Variants in PTPRD observed in about 807,000 individuals in gnomAD.
The protein encoded by PTPRD is receptor-type tyrosine-protein phosphatase delta.
In PTPRD, 34 loss-of-function variants were observed where a neutral mutation model predicts 214.5. That is an observed-to-expected ratio of 0.16 (90% confidence interval 0.12 to 0.21). The LOEUF (loss-of-function observed/expected upper bound fraction) is 0.21. Ranked by LOEUF, PTPRD falls within the 10% of genes least tolerant of loss-of-function variation. The pLI is 1.00. For missense variants in PTPRD, 2,545 were observed against 2,398.7 expected (o/e 1.06, Z -1.27); for synonymous variants, 1,128 against 845.7 (o/e 1.33, Z -5.79).
chr9:8,660,059 T>C (rs1596304323), intron 12 of PTPRD, among the ~76,000 whole-genome samples: 1 of 152,236 alleles, frequency 6.6e-6, no homozygotes, highest in Non-Finnish European at 1.5e-5. Flanking sequence ...ATGTGTAACA[T>C]AGTCATTACC....
intron 2 of PTPRD, among the ~76,000 whole-genome samples, chr9:10,461,900 G>A (rs1311637811): frequency 1.3e-5 from 2 of 152,064 alleles, no homozygotes; most frequent in Non-Finnish European, 2.9e-5. Flanking sequence ...CGGATTACAG[G>A]CGTGAATCAC....
intron 10 of PTPRD, chr9:9,091,202 G>A (rs1276856307): frequency 1.4e-5 from 21 of 1,502,940 alleles, no homozygotes; most frequent in South Asian, 5.6e-5. Context: ...CCCCGATTTA[G>A]ACCTGCGGGT....
chr9:9,378,916 T>A, intron 9 of PTPRD, among the ~76,000 whole-genome samples: 1 of 151,992 alleles, frequency 6.6e-6, no homozygotes, highest in Non-Finnish European at 1.5e-5. Flanking sequence ...TTATCAGATG[T>A]ATCCTTTGTA....
chr9:8,366,561 T>C (rs548734957), intron 39 of PTPRD, among the ~76,000 whole-genome samples: 6 of 152,242 alleles, frequency 3.9e-5, no homozygotes, highest in Non-Finnish European at 8.8e-5. Flanking sequence ...AAAATAAGTG[T>C]GCTGTCCCAG....
intron 12 of PTPRD, among the ~76,000 whole-genome samples, chr9:8,718,812 A>G (rs1392481253): frequency 1.3e-5 from 2 of 152,122 alleles, no homozygotes; most frequent in East Asian, 3.9e-4. Flanking sequence ...GAACCTTCTC[A>G]TTCCCACCTC....
At chr9:10,535,424 C>T (rs753938661) in intron 2 of PTPRD, among the ~76,000 whole-genome samples, 5 of 151,918 alleles carry the variant, frequency 3.3e-5, no homozygotes, top group Non-Finnish European at 5.9e-5. Flanking sequence ...ATCTACTTAC[C>T]GTCGTGAGCT....
chr9:9,872,242 G>A (rs1031037871), intron 5 of PTPRD, among the ~76,000 whole-genome samples: 4 of 152,028 alleles, frequency 2.6e-5, no homozygotes, highest in African/African-American at 9.7e-5. Flanking sequence ...CTTGCAAATT[G>A]AATTCCAGCC....
chr9:9,855,966 T>C (rs1343548464), intron 5 of PTPRD, among the ~76,000 whole-genome samples: 1 of 152,180 alleles, frequency 6.6e-6, no homozygotes, highest in South Asian at 2.1e-4. Flanking sequence ...TCCTCACTTG[T>C]GGCTCCAGAA....
chr9:10,523,572 C>T (rs147324810), intron 2 of PTPRD, among the ~76,000 whole-genome samples: 3,346 of 90,806 alleles, frequency 0.037, 132 homozygotes, highest in African/African-American at 0.12. Flanking sequence ...TAATAAAATA[C>T]CCCCAATATT....
chr9:10,044,198 G>C (rs1374557885), intron 3 of PTPRD, among the ~76,000 whole-genome samples: 1 of 151,686 alleles, frequency 6.6e-6, no homozygotes, highest in Non-Finnish European at 1.5e-5. Context: ...GTGTTTCTGA[G>C]TATTTTCAAC....
intron 3 of PTPRD, among the ~76,000 whole-genome samples, chr9:10,203,187 T>A (rs78988937): frequency 2.0e-5 from 3 of 149,870 alleles, no homozygotes; most frequent in African/African-American, 7.3e-5. Flanking sequence ...TTTTTTTTTT[T>A]AATGTGAATT....
intron 10 of PTPRD, among the ~76,000 whole-genome samples, chr9:9,128,452 C>T (rs539194198): frequency 3.3e-5 from 5 of 152,238 alleles, no homozygotes; most frequent in Admixed American, 6.5e-5. Flanking sequence ...CTATACAAAA[C>T]ATATATTCAA....
Position 9,809,643 on chromosome 9 carries a change from G to A in PTPRD, c.-367-42792C>T, listed in dbSNP as rs1312353843. On this transcript the variant is annotated intron_variant, in intron 5 of 45. Transcript: ENST00000381196. ...GAATCTTGTCAGTTGTTCATGAGAG[G>A]GGTAATGGAATTAGGAGTGAGAATG... is the stretch of plus-strand genomic sequence containing the variant. Among the ~76,000 whole-genome samples the A allele has an allele frequency of 3.3e-5, 5 of 152,128 alleles. No individual in the cohort carries two copies. In the East Asian group the frequency reaches 9.6e-4, roughly 29 times the overall value.
chr9:9,455,025 T>G (rs1024895142), intron 8 of PTPRD, among the ~76,000 whole-genome samples: 1 of 151,614 alleles, frequency 6.6e-6, no homozygotes, highest in Non-Finnish European at 1.5e-5. Flanking sequence ...ACCCAAGTAT[T>G]GCGTTTTATC....
chr9:9,363,220 G>A (rs1189596713), intron 9 of PTPRD, among the ~76,000 whole-genome samples: 1 of 149,334 alleles, frequency 6.7e-6, no homozygotes, highest in Non-Finnish European at 1.5e-5. Context: ...GGAATGATAA[G>A]GCCACAAGAG....
At chr9:9,423,807 A>G (rs1422509056) in intron 8 of PTPRD, among the ~76,000 whole-genome samples, 1 of 152,240 alleles carries the variant, frequency 6.6e-6, no homozygotes, top group Non-Finnish European at 1.5e-5. Flanking sequence ...TTTGAAACAT[A>G]AAGCAGTACA....
chr9:9,991,377 T>C (rs957142547), intron 4 of PTPRD, among the ~76,000 whole-genome samples: 1 of 151,968 alleles, frequency 6.6e-6, no homozygotes, highest in African/African-American at 2.4e-5. Flanking sequence ...TTTTCTTTTT[T>C]TGAAATGGAG....
At chr9:10,011,492 TTTCA>T (rs1413826120) in intron 4 of PTPRD, among the ~76,000 whole-genome samples, 2 of 151,938 alleles carry the variant, frequency 1.3e-5, no homozygotes, top group Non-Finnish European at 2.9e-5. Context: ...TTAAATTAGT[TTTCA>T]TTGACTCCTC....
chr9:8,604,251 A>C (rs2095062848), intron 14 of PTPRD, among the ~76,000 whole-genome samples: 1 of 152,206 alleles, frequency 6.6e-6, no homozygotes, highest in Non-Finnish European at 1.5e-5. Context: ...GGAAAGAGCA[A>C]AGTGCCACAG....
Sources: allele counts gnomAD v4.1 joint callset (sites outside exome capture counted in the v4.1 genomes callset), GRCh38; gene constraint gnomAD v4.1.1; transcripts MANE v1.5; gene names NCBI Gene and HGNC (gene_info 2026-07-23, HGNC 2026-07-21).